Variants in AUNIP observed in about 807,000 individuals in gnomAD.
AUNIP encodes aurora kinase A and ninein interacting protein.
A neutral mutation model predicts 12.2 loss-of-function variants in AUNIP; 16 were observed. The ratio of observed to expected loss-of-function variants is 1.31; its 90% CI spans 0.88 to 1.99. The LOEUF (loss-of-function observed/expected upper bound fraction) is 1.99, where lower values mean the gene tolerates loss of function less well. Ranked by LOEUF, AUNIP falls within the 30% of genes most tolerant of loss-of-function variation. The probability of loss-of-function intolerance (pLI) is 0.00; values close to 1 mark genes in which losing one functional copy is unlikely to be tolerated. For synonymous variants in AUNIP, 142 were observed against 154.8 expected (o/e 0.92, Z 0.61); for missense variants, 411 against 419.1 (o/e 0.98, Z 0.17).
In AUNIP at chr1:25,847,471, G is replaced by T. The variant is rs2048392065; in HGVS notation, c.79-9917C>A. ...GTAGAGATGAGGTTTTACCATGTTG[G>T]CCAGGCTGGTCTTAAACTCCTGACC... is the stretch of plus-strand genomic sequence containing the variant. On this transcript the variant is annotated intron_variant, in intron 1 of 2. Coordinates refer to ENST00000374298, the MANE Select transcript of AUNIP (RefSeq NM_024037.3). This position sits in a 1 kb window ranked among gnomAD's most constrained non-coding sequence, Gnocchi z 4.2. Among the ~76,000 whole-genome samples, 1 of 151,808 alleles carries T rather than the reference G, an allele frequency of 6.6e-6. No individual in the cohort carries two copies. The highest frequency in any genetic ancestry group is 2.4e-5 in the African/African-American group (1 of 41,304).
At chr1:25,859,254 C>T (rs747127064) in intron 1 of AUNIP, 26 bp downstream of exon 1, 3 of 1,561,774 alleles carry the variant, frequency 1.9e-6, no homozygotes, top group South Asian at 2.4e-5. Context: ...TGGTTCCCAA[C>T]GCCCTCTCAT....
chr1:25,834,216 C>T lies in AUNIP; in HGVS notation c.*777G>A. ...TAGCACCATTCTACCTCTCTTCTCT[C>T]CACACCTGGGTTGTGGGGAGATTTG... On this transcript the variant is annotated 3_prime_UTR_variant, in exon 3 of 3. Transcript: ENST00000374298. 1 of 985,366 alleles carries T rather than the reference C, an allele frequency of 1.0e-6. No homozygotes were observed. Among genetic ancestry groups the T allele is most frequent in the Non-Finnish European group, 1.2e-6 (1 of 829,930 alleles). 61.0% of individuals were successfully genotyped at this position (985,366 alleles called of 1,614,324 possible).
chr1:25,852,813 T>C (rs79082616), intron 1 of AUNIP, among the ~76,000 whole-genome samples: 60 of 152,320 alleles, frequency 3.9e-4, no homozygotes, highest in Non-Finnish European at 6.9e-4. Context: ...ATCCCATAAA[T>C]CTTGGTGCAT....
At chr1:25,849,253 T>C (rs1167497076) in intron 1 of AUNIP, among the ~76,000 whole-genome samples, 1 of 152,242 alleles carries the variant, frequency 6.6e-6, no homozygotes, top group African/African-American at 2.4e-5. Context: ...TTAACAGCTT[T>C]ATTAATAGAG....
At chr1:25,853,218 A>G (rs374971293) in intron 1 of AUNIP, among the ~76,000 whole-genome samples, 2 of 152,320 alleles carry the variant, frequency 1.3e-5, no homozygotes, top group East Asian at 3.9e-4. Flanking sequence ...GTTTCCAAAT[A>G]TTGTTCACAA....
chr1:25,832,111 T>C (rs1407063125), downstream of AUNIP: 1 of 1,605,928 alleles, frequency 6.2e-7, no homozygotes, highest in African/African-American at 1.3e-5. Flanking sequence ...TTCTGCCTCT[T>C]AAGGATAGAT....
In AUNIP at chr1:25,835,466, G is replaced by A; in HGVS notation, c.601C>T (p.Leu201Phe). 6.2e-7 allele frequency: 1 copy of A among 1,614,242 alleles called. No individual in the cohort carries two copies. The highest frequency in any genetic ancestry group is 8.5e-7 in the Non-Finnish European group (1 of 1,180,048). ...TGATAGTTCTTCTTAGACTCATGAA[G>A]CCATTCCCATTTCCTGGCAGAATCC... ...KGDSARKWEW[L>F]HESKKNYQSM... Residue 201 changes from leucine (L) to phenylalanine (F), a missense_variant, in exon 3 of 3, where the codon CTT (leucine) becomes TTT (phenylalanine). Physicochemically the swap from Leu to Phe is conservative, Grantham distance 22. Transcript: ENST00000374298.
At chr1:25,844,166 G>A (rs756395054) in intron 1 of AUNIP, among the ~76,000 whole-genome samples, 1 of 152,144 alleles carries the variant, frequency 6.6e-6, no homozygotes, top group Admixed American at 6.5e-5. Context: ...GAGTGCAGTG[G>A]CGCAATCTCG....
chr1:25,858,759 C>T lies in AUNIP; in HGVS notation c.78+521G>A, dbSNP rs541511680. 4.6e-5 allele frequency among the ~76,000 whole-genome samples: 7 copies of T among 152,308 alleles called. No homozygotes were observed. In the East Asian group the frequency reaches 5.8e-4, roughly 13 times the overall value. ...TCCGGCACCCAGTGACTGCTCAGTA[C>T]ATAGGAGGCCAGCTCCCCTTCCCAT... On this transcript the variant is annotated intron_variant, in intron 1 of 2. Coordinates refer to ENST00000374298, the MANE Select transcript of AUNIP (RefSeq NM_024037.3).
At chr1:25,855,418 T>G (rs2048453843) in intron 1 of AUNIP, among the ~76,000 whole-genome samples, 8 of 152,150 alleles carry the variant, frequency 5.3e-5, no homozygotes, top group Admixed American at 3.3e-4. Flanking sequence ...GTGCTGAGCT[T>G]CCCAAAGTGC....
downstream of AUNIP, chr1:25,832,747 G>A (rs1044496): frequency 6.3e-6 from 1 of 157,664 alleles, no homozygotes; most frequent in Non-Finnish European, 1.4e-5. Context: ...AGGAAAGAGA[G>A]AGGAGGAGGG....
intron 1 of AUNIP, among the ~76,000 whole-genome samples, chr1:25,841,145 G>C (rs2048344710): frequency 6.6e-6 from 1 of 152,146 alleles, no homozygotes; most frequent in Non-Finnish European, 1.5e-5. Context: ...TACTGTCCCA[G>C]TTATAGCTCT....
In AUNIP at chr1:25,834,763, A is replaced by G. The variant is rs1019541500; in HGVS notation, c.*230T>C. On this transcript the variant is annotated 3_prime_UTR_variant, in exon 3 of 3. Coordinates refer to ENST00000374298, the MANE Select transcript of AUNIP (RefSeq NM_024037.3). Reference sequence around the variant, plus strand: ...CTGCCTCAGTGTTCATCATAGACTCATTCAGGGAATTTACCAGCCACCACC... The same window carrying G: ...CTGCCTCAGTGTTCATCATAGACTCGTTCAGGGAATTTACCAGCCACCACC... 5.0e-6 allele frequency: 7 copies of G among 1,397,860 alleles called. No individual in the cohort carries two copies. The South Asian group carries it at 1.2e-4, about 23-fold the overall frequency. 86.6% of individuals were successfully genotyped at this position (1,397,860 alleles called of 1,614,324 possible). A position where few individuals can be genotyped will look rare whatever the true frequency, so the allele number is the denominator to read the frequency against.
intron 1 of AUNIP, among the ~76,000 whole-genome samples, chr1:25,845,813 C>G (rs533909448): frequency 6.6e-6 from 1 of 152,100 alleles, no homozygotes; most frequent in Non-Finnish European, 1.5e-5. Flanking sequence ...TCAGAAAACA[C>G]TAAGGCTTTT....
chr1:25,859,383 G>C lies in AUNIP; in HGVS notation c.-26C>G. On this transcript the variant is annotated 5_prime_UTR_variant, in exon 1 of 3. Transcript: ENST00000374298. Reference sequence around the variant, plus strand: ...GGCCGCTGAGGAGACGAAGCCGGCAGGACGCCGGCGCAGGCTCCCGGCGCC... The same window carrying C: ...GGCCGCTGAGGAGACGAAGCCGGCACGACGCCGGCGCAGGCTCCCGGCGCC... The C allele has an allele frequency of 6.7e-7, 1 of 1,489,368 alleles. No individual in the cohort carries two copies. The allele number at this position is 1,489,368 out of a possible 1,614,324, so 92.3% of individuals were successfully genotyped here.
chr1:25,846,663 C>A (rs939699492), intron 1 of AUNIP, among the ~76,000 whole-genome samples: 1 of 151,980 alleles, frequency 6.6e-6, no homozygotes, highest in Non-Finnish European at 1.5e-5. Flanking sequence ...ACAGTGGTTG[C>A]GGTGAGATCG....
chr1:25,853,548 G>A (rs899318415), intron 1 of AUNIP, among the ~76,000 whole-genome samples: 10 of 152,150 alleles, frequency 6.6e-5, no homozygotes, highest in Admixed American at 2.0e-4. Flanking sequence ...AGCGAGCTGA[G>A]ATCGTGCCAC....
In AUNIP at chr1:25,835,425, G is replaced by A; in HGVS notation, c.642C>T (p.His214=). Residue 214 remains histidine, a synonymous_variant, in exon 3 of 3, where the codon CAC becomes CAT. Transcript: ENST00000374298. ...AGCATTTGTCCCCAGGTAGTTTGGT[G>A]TGTTTCTCCATACTCTGATAGTTCT... ...SKKNYQSMEK[H]TKLPGDKCCQ... 6.2e-7 allele frequency: 1 copy of A among 1,614,224 alleles called. No homozygotes were observed. The highest frequency in any genetic ancestry group is 8.5e-7 in the Non-Finnish European group (1 of 1,180,040).
chr1:25,850,450 G>C (rs549121714), intron 1 of AUNIP, among the ~76,000 whole-genome samples: 1 of 152,144 alleles, frequency 6.6e-6, no homozygotes, highest in South Asian at 2.1e-4. Flanking sequence ...GGATCAGACT[G>C]TCAGTATCTG....
Sources: gnomAD v4.1 joint callset for allele counts (sites outside exome capture counted in the v4.1 genomes callset) on GRCh38, gnomAD v4.1.1 for gene constraint, Gnocchi (gnomAD v3.1) non-coding constraint, MANE v1.5 for transcripts, NCBI Gene and HGNC (gene_info 2026-07-23, HGNC 2026-07-21) for gene names.